The following ZNRF1 variants were observed in gnomAD, a reference collection of about 807,000 sequenced individuals.
ZNRF1 encodes E3 ubiquitin-protein ligase ZNRF1.
ZNRF1 carries 3 observed loss-of-function variants against 18.4 expected under a neutral mutation model. The observed-to-expected ratio is 0.16, with a 90% CI of 0.07 to 0.42. The LOEUF (loss-of-function observed/expected upper bound fraction) is 0.42, where lower values mean the gene tolerates loss of function less well. ZNRF1 is among the 10% of genes least tolerant of loss of function. The pLI, the probability that ZNRF1 is intolerant of heterozygous loss-of-function variation, is 0.99. For synonymous variants in ZNRF1, 157 were observed against 144.2 expected (o/e 1.09, Z -0.64); for missense variants, 310 against 329.8 (o/e 0.94, Z 0.47).
chr16:75,015,338 C>CT (rs1171309370), intron 1 of ZNRF1, among the ~76,000 whole-genome samples: 1 of 152,140 alleles, frequency 6.6e-6, no homozygotes, highest in Non-Finnish European at 1.5e-5. Flanking sequence ...TAGCTCATGC[C>CT]TGTAATCCCA....
intron 2 of ZNRF1, among the ~76,000 whole-genome samples, chr16:75,099,262 A>G (rs1167916923): frequency 1.3e-5 from 2 of 152,174 alleles, no homozygotes; most frequent in African/African-American, 4.8e-5. Context: ...AGTTACCTGC[A>G]TATAGCTGGC....
chr16:75,099,238 G>T (rs2036230556), intron 2 of ZNRF1, among the ~76,000 whole-genome samples: 1 of 152,206 alleles, frequency 6.6e-6, no homozygotes, highest in Admixed American at 6.5e-5. Flanking sequence ...GAGTCATGGT[G>T]TGTGTGTCTG....
chr16:75,097,575 C>G (rs937902241), intron 2 of ZNRF1, among the ~76,000 whole-genome samples: 3 of 152,284 alleles, frequency 2.0e-5, no homozygotes, highest in Admixed American at 2.0e-4. Flanking sequence ...CGTCTGTAAT[C>G]CCAACACTTT....
At chr16:75,069,296 G>T (rs1176922696) in intron 1 of ZNRF1, among the ~76,000 whole-genome samples, 1 of 152,154 alleles carries the variant, frequency 6.6e-6, no homozygotes, top group African/African-American at 2.4e-5. Flanking sequence ...ATTCTTCACT[G>T]CTCTCTTATA....
intron 2 of ZNRF1, among the ~76,000 whole-genome samples, chr16:75,099,347 G>A (rs1334705360): frequency 3.3e-5 from 5 of 152,094 alleles, no homozygotes; most frequent in South Asian, 2.1e-4. Context: ...CAGAAGCACC[G>A]TGCCTGGATC....
chr16:75,055,271 TA>T (rs2035654148), intron 1 of ZNRF1, among the ~76,000 whole-genome samples: 1 of 152,224 alleles, frequency 6.6e-6, no homozygotes, highest in African/African-American at 2.4e-5. Context: ...AGAACTTATT[TA>T]TTTTTATTTA....
chr16:75,103,980 A>C (rs185369188), intron 2 of ZNRF1: 2 of 152,042 alleles, frequency 1.3e-5, no homozygotes, highest in East Asian at 3.9e-4. Context: ...GTGAGACTCC[A>C]TCTCAAATAA....
At chr16:75,088,368 C>G (rs944667734) in intron 1 of ZNRF1, among the ~76,000 whole-genome samples, 1 of 152,206 alleles carries the variant, frequency 6.6e-6, no homozygotes, top group African/African-American at 2.4e-5. Flanking sequence ...TCTGCAGATT[C>G]AGCATCTTAC....
At chr16:75,053,949 A>G (rs2035638662) in intron 1 of ZNRF1, among the ~76,000 whole-genome samples, 1 of 152,146 alleles carries the variant, frequency 6.6e-6, no homozygotes, top group Non-Finnish European at 1.5e-5. Flanking sequence ...CCCTTTGGTG[A>G]TCAGAGTCTT....
At chr16:75,054,056 T>A (rs2035639856) in intron 1 of ZNRF1, among the ~76,000 whole-genome samples, 2 of 152,264 alleles carry the variant, frequency 1.3e-5, no homozygotes, top group Admixed American at 6.5e-5. Flanking sequence ...TCTTCCTTCC[T>A]TGTTGACAAT....
intron 1 of ZNRF1, among the ~76,000 whole-genome samples, chr16:75,030,509 T>G (rs1293085384): frequency 1.3e-5 from 2 of 151,956 alleles, no homozygotes; most frequent in Non-Finnish European, 2.9e-5. Context: ...TAGTTGGAAA[T>G]CTTACTGACC....
At chr16:75,053,671 A>T (rs1455986648) in intron 1 of ZNRF1, among the ~76,000 whole-genome samples, 1 of 151,904 alleles carries the variant, frequency 6.6e-6, no homozygotes, top group African/African-American at 2.4e-5. Flanking sequence ...CCTAATGCCC[A>T]TGATAGATGT....
chr16:75,009,286 A>G (rs1211344875), intron 1 of ZNRF1, among the ~76,000 whole-genome samples: 13 of 152,152 alleles, frequency 8.5e-5, no homozygotes, highest in Non-Finnish European at 2.9e-5. Context: ...TTTAACTGTC[A>G]TAAAATATAT....
intron 1 of ZNRF1, among the ~76,000 whole-genome samples, chr16:75,009,606 T>C (rs528104893): frequency 6.6e-6 from 1 of 152,346 alleles, no homozygotes; most frequent in South Asian, 2.1e-4. Context: ...GTGAATTTCT[T>C]AATATCTCTT....
At position 75,107,868 on chromosome 16, in the gene ZNRF1, C is replaced by T; in HGVS notation, c.*168C>T. On this transcript the variant is annotated 3_prime_UTR_variant, in exon 5 of 5. Coordinates refer to ENST00000335325, the MANE Select transcript of ZNRF1 (RefSeq NM_032268.5). ...GGTTCTCCCTTCCTCCCTGAGGACA[C>T]CAAATTGGATGAGAGCAAGTTTGAG... is the stretch of plus-strand genomic sequence containing the variant. The T allele has an allele frequency of 2.2e-6, 1 of 452,040 alleles. No individual in the cohort carries two copies. The highest frequency in any genetic ancestry group is 4.5e-6 in the Non-Finnish European group (1 of 223,748). 28.0% of individuals were successfully genotyped at this position (452,040 alleles called of 1,614,324 possible).
intron 1 of ZNRF1, among the ~76,000 whole-genome samples, chr16:75,081,024 T>G (rs1597900469): frequency 6.6e-6 from 1 of 151,948 alleles, no homozygotes; most frequent in African/African-American, 2.4e-5. Context: ...AATACAAAAA[T>G]TAGCCGGGCG....
chr16:75,042,807 G>A (rs1014860909), intron 1 of ZNRF1, among the ~76,000 whole-genome samples: 2 of 152,114 alleles, frequency 1.3e-5, no homozygotes, highest in Admixed American at 1.3e-4. Flanking sequence ...TCATTCAGAG[G>A]TCCTTGTGAC....
intron 1 of ZNRF1, among the ~76,000 whole-genome samples, chr16:75,064,521 A>G (rs1427415081): frequency 6.7e-6 from 1 of 149,952 alleles, no homozygotes; most frequent in Admixed American, 6.7e-5. Flanking sequence ...GTGCCATTGC[A>G]CTCCAGCCTG....
chr16:75,008,638 T>A (rs1299051528), intron 1 of ZNRF1, among the ~76,000 whole-genome samples: 1 of 152,206 alleles, frequency 6.6e-6, no homozygotes, highest in African/African-American at 2.4e-5. Context: ...ATTTATTCCA[T>A]TGATAGCCTC....
Sources: gnomAD v4.1 joint callset for allele counts (sites outside exome capture counted in the v4.1 genomes callset) on GRCh38, gnomAD v4.1.1 for gene constraint, MANE v1.5 for transcripts, NCBI Gene and HGNC (gene_info 2026-07-23, HGNC 2026-07-21) for gene names.